MBNL2: variants seen among roughly 807,000 people sequenced by gnomAD.
The protein encoded by MBNL2 is muscleblind like splicing regulator 2, also known as muscleblind-like protein 2.
Under a neutral mutation model 41.9 loss-of-function variants are expected in MBNL2, and 17 were observed. The ratio of observed to expected loss-of-function variants is 0.41; its 90% CI spans 0.28 to 0.61. MBNL2 has a LOEUF of 0.61. Among genes scored for constraint, MBNL2 ranks in the 20% least tolerant of loss-of-function variants. The probability of loss-of-function intolerance (pLI) is 0.35; values close to 1 mark genes in which losing one functional copy is unlikely to be tolerated. For missense variants in MBNL2, 336 were observed against 505.6 expected, an observed-to-expected ratio of 0.66 and a Z score of 3.22; for synonymous variants, 195 against 182.9, an observed-to-expected ratio of 1.07 and a Z score of -0.53.
At chr13:97,282,257 A>C (rs1355818668) in intron 2 of MBNL2, among the ~76,000 whole-genome samples, 1 of 152,090 alleles carries the variant, frequency 6.6e-6, no homozygotes, top group Non-Finnish European at 1.5e-5. Flanking sequence ...TGGGAGGCTG[A>C]GGCAGGAGGA....
At chr13:97,247,659 T>C (rs949845694) in intron 1 of MBNL2, among the ~76,000 whole-genome samples, 1 of 152,248 alleles carries the variant, frequency 6.6e-6, no homozygotes, top group Non-Finnish European at 1.5e-5. Flanking sequence ...AACTCTAATA[T>C]TTTCTTTAGT....
intron 1 of MBNL2, among the ~76,000 whole-genome samples, chr13:97,272,128 TGA>T (rs2051166551): frequency 6.6e-6 from 1 of 152,214 alleles, no homozygotes; most frequent in Admixed American, 6.5e-5. Flanking sequence ...CTGACTGGCA[TGA>T]GATGGTATCT....
intron 2 of MBNL2, among the ~76,000 whole-genome samples, chr13:97,326,543 G>T (rs1182740004): frequency 6.6e-6 from 1 of 152,158 alleles, no homozygotes; most frequent in Non-Finnish European, 1.5e-5. Flanking sequence ...CTTATTAGAG[G>T]CTTATGCATA....
Position 97,334,398 on chromosome 13 carries a change from G to A in MBNL2, c.297G>A (p.Gln99=), listed in dbSNP as rs1320942039. Residue 99 remains glutamine, a synonymous_variant, in exon 3 of 9, where the codon CAG becomes CAA. Transcript: ENST00000679496. This position sits in a 1 kb window ranked among gnomAD's most constrained non-coding sequence, Gnocchi z 5.3. ...AAACTGCAGCAGCAATGCTTGCCCA[G>A]CAGATGCAATTTATGTTTCCAGGAA... ...QQKTAAAMLA[Q]QMQFMFPGTP... 2 of 1,613,538 alleles carry A rather than the reference G, an allele frequency of 1.2e-6. No individual in the cohort carries two copies. The highest frequency in any genetic ancestry group is 1.7e-6 in the Non-Finnish European group (2 of 1,179,680).
the MBNL2 span, among the ~76,000 whole-genome samples, chr13:97,144,287 G>T: frequency 5.9e-5 from 9 of 152,294 alleles, no homozygotes; most frequent in East Asian, 1.5e-3. Flanking sequence ...TGAAGGAGGG[G>T]TCTGAGCTAG....
At chr13:97,326,140 T>C (rs1290540137) in intron 2 of MBNL2, among the ~76,000 whole-genome samples, 2 of 152,256 alleles carry the variant, frequency 1.3e-5, no homozygotes, top group African/African-American at 4.8e-5. Context: ...CACCTATTTG[T>C]ATGGGTTTTT....
At chr13:97,310,120 A>C (rs2153019345) in intron 2 of MBNL2, among the ~76,000 whole-genome samples, 1 of 152,284 alleles carries the variant, frequency 6.6e-6, no homozygotes, top group South Asian at 2.1e-4. Context: ...TCAGCAAATA[A>C]CCAGCTTCTC....
At chr13:97,149,902 C>T in the MBNL2 span, among the ~76,000 whole-genome samples, 5,779 of 152,270 alleles carry the variant, frequency 0.038, 378 homozygotes, top group African/African-American at 0.13. Context: ...CTCCCAGAAG[C>T]GAAATTAGGA....
At chr13:97,185,095 T>C in the MBNL2 span, among the ~76,000 whole-genome samples, 1 of 152,222 alleles carries the variant, frequency 6.6e-6, no homozygotes, top group Non-Finnish European at 1.5e-5. Flanking sequence ...AATTGTTGCA[T>C]AATATTCAAC....
At chr13:97,246,275 TCACA>T (rs34830044) in intron 1 of MBNL2, among the ~76,000 whole-genome samples, 16,366 of 145,824 alleles carry the variant, frequency 0.11, 1,561 homozygotes, top group African/African-American at 0.26. Flanking sequence ...TACTGTTATT[TCACA>T]CACACACACA....
intron 2 of MBNL2, among the ~76,000 whole-genome samples, chr13:97,302,611 A>G (rs2057738323): frequency 6.6e-6 from 1 of 152,148 alleles, no homozygotes; most frequent in African/African-American, 2.4e-5. Flanking sequence ...AGAGAATTTT[A>G]TTTTTCCTAT....
chr13:97,253,744 T>C (rs893907468), intron 1 of MBNL2, among the ~76,000 whole-genome samples: 1 of 151,966 alleles, frequency 6.6e-6, no homozygotes, highest in Non-Finnish European at 1.5e-5. Context: ...GACAGTAACA[T>C]TGTATTTATT....
chr13:97,299,632 A>G (rs1035628066), intron 2 of MBNL2, among the ~76,000 whole-genome samples: 3 of 143,142 alleles, frequency 2.1e-5, no homozygotes, highest in Admixed American at 7.1e-5. Context: ...ATATTTAGAA[A>G]TAAGGTAGAA....
At chr13:97,208,664 C>A in the MBNL2 span, among the ~76,000 whole-genome samples, 19 of 152,122 alleles carry the variant, frequency 1.2e-4, no homozygotes, top group African/African-American at 4.6e-4. Flanking sequence ...AGGAAAGAGC[C>A]AGGGCAGAAA....
chr13:97,256,520 T>C (rs1210355181), intron 1 of MBNL2, among the ~76,000 whole-genome samples: 2 of 152,152 alleles, frequency 1.3e-5, no homozygotes, highest in Non-Finnish European at 1.5e-5. Flanking sequence ...CTGGAAAAAG[T>C]GAAGCAGACA....
In MBNL2 at chr13:97,383,232, G is replaced by A. The variant is rs977402052; in HGVS notation, c.1049-8090G>A. On this transcript the variant is annotated intron_variant, in intron 8 of 8. Transcript: ENST00000679496. Reference sequence around the variant, plus strand: ...ATTGAAGGAGACTGTCTGGAGTCAGGGAGGGGATTATAATCAAAGCCTAAC... The same window carrying A: ...ATTGAAGGAGACTGTCTGGAGTCAGAGAGGGGATTATAATCAAAGCCTAAC... Among the ~76,000 whole-genome samples, 5 of 152,270 alleles carry A rather than the reference G, an allele frequency of 3.3e-5. No homozygotes were observed. The East Asian group carries it at 9.7e-4, about 29-fold the overall frequency.
At chr13:97,158,077 G>C in the MBNL2 span, among the ~76,000 whole-genome samples, 6 of 151,910 alleles carry the variant, frequency 3.9e-5, no homozygotes, top group African/African-American at 7.2e-5. Flanking sequence ...TTCAGATCCT[G>C]TTATTGGTCT....
intron 2 of MBNL2, among the ~76,000 whole-genome samples, chr13:97,315,956 C>G (rs1278166628): frequency 6.6e-6 from 1 of 152,148 alleles, no homozygotes; most frequent in Non-Finnish European, 1.5e-5. Context: ...CACTCATGGC[C>G]ATAACCAAGG....
intron 1 of MBNL2, among the ~76,000 whole-genome samples, chr13:97,255,819 G>T (rs183643609): frequency 1.3e-5 from 2 of 152,320 alleles, no homozygotes; most frequent in African/African-American, 4.8e-5. Context: ...CTACTGACTT[G>T]CACATCCACT....
Sources: allele counts gnomAD v4.1 joint callset (sites outside exome capture counted in the v4.1 genomes callset), GRCh38; gene constraint gnomAD v4.1.1; non-coding constraint Gnocchi (gnomAD v3.1); transcripts MANE v1.5; gene names NCBI Gene and HGNC (gene_info 2026-07-23, HGNC 2026-07-21).